GPC6: variants seen among roughly 807,000 people sequenced by gnomAD.
GPC6 encodes glypican 6.
GPC6 carries 14 observed loss-of-function variants against 55.2 expected under a neutral mutation model. The observed-to-expected ratio is 0.25, with a 90% CI of 0.17 to 0.40. The LOEUF (loss-of-function observed/expected upper bound fraction) is 0.40. Ranked by LOEUF, GPC6 falls within the 10% of genes least tolerant of loss-of-function variation. The probability of loss-of-function intolerance (pLI) is 1.00; values close to 1 mark genes in which losing one functional copy is unlikely to be tolerated. For missense variants in GPC6, 641 were observed against 708.5 expected (o/e 0.90, Z 1.08); for synonymous variants, 278 against 259.6 (o/e 1.07, Z -0.68).
At chr13:93,761,218 A>G (rs1884944450) in intron 2 of GPC6, among the ~76,000 whole-genome samples, 1 of 152,244 alleles carries the variant, frequency 6.6e-6, no homozygotes, top group Non-Finnish European at 1.5e-5. Flanking sequence ...TAGGCACTGC[A>G]TTATAAACTC....
intron 1 of GPC6, among the ~76,000 whole-genome samples, chr13:93,504,303 G>T (rs1880626001): frequency 6.6e-6 from 1 of 151,990 alleles, no homozygotes; most frequent in Non-Finnish European, 1.5e-5. Flanking sequence ...AATATAGGAT[G>T]CCTGATTAAA....
intron 6 of GPC6, among the ~76,000 whole-genome samples, chr13:94,363,202 C>T (rs936823552): frequency 1.3e-5 from 2 of 152,086 alleles, no homozygotes; most frequent in African/African-American, 2.4e-5. Context: ...ATTCATCAAA[C>T]TGATGATATA....
intron 1 of GPC6, among the ~76,000 whole-genome samples, chr13:93,379,539 A>G (rs1370852140): frequency 2.6e-5 from 4 of 152,194 alleles, no homozygotes; most frequent in African/African-American, 9.6e-5. Context: ...ATCAAAATAC[A>G]TGGGATGAAT....
chr13:94,035,020 G>A (rs1046016576), intron 4 of GPC6, among the ~76,000 whole-genome samples: 22 of 151,706 alleles, frequency 1.5e-4, no homozygotes, highest in Non-Finnish European at 3.1e-4. Flanking sequence ...GAAGAATTTA[G>A]TTGACCAAGA....
At chr13:94,335,252 T>C (rs117420079) in intron 6 of GPC6, among the ~76,000 whole-genome samples, 2,420 of 152,264 alleles carry the variant, frequency 0.016, 27 homozygotes, top group Non-Finnish European at 0.025. Context: ...TACTACCATA[T>C]GAAAGCAGGA....
chr13:94,077,148 T>C (rs775401703), intron 4 of GPC6, among the ~76,000 whole-genome samples: 1 of 151,872 alleles, frequency 6.6e-6, no homozygotes, highest in Non-Finnish European at 1.5e-5. Context: ...TTTGGGTCTT[T>C]AATTTCTTTC....
chr13:94,200,373 G>A lies in GPC6; in HGVS notation c.878-85976G>A, dbSNP rs183905154. ...GTGGGTCCTGTATAGAGCACATGAGGATATGTAACAAAGAATTATTTTCAA... is the reference window on the plus strand; with the variant it reads ...GTGGGTCCTGTATAGAGCACATGAGAATATGTAACAAAGAATTATTTTCAA... On this transcript the variant is annotated intron_variant, in intron 4 of 8. Coordinates refer to ENST00000377047, the MANE Select transcript of GPC6 (RefSeq NM_005708.5). Among the ~76,000 whole-genome samples the A allele has an allele frequency of 2.0e-5, 3 of 152,288 alleles. No homozygotes were observed. In the East Asian group the frequency reaches 5.8e-4, roughly 29 times the overall value.
At chr13:94,063,957 A>AG (rs914573394) in intron 4 of GPC6, among the ~76,000 whole-genome samples, 1 of 152,206 alleles carries the variant, frequency 6.6e-6, no homozygotes, top group African/African-American at 2.4e-5. Flanking sequence ...ACCATGCACC[A>AG]GGAAGAGCTG....
intron 1 of GPC6, among the ~76,000 whole-genome samples, chr13:93,351,551 C>A (rs1028558198): frequency 6.6e-6 from 1 of 151,936 alleles, no homozygotes; most frequent in Non-Finnish European, 1.5e-5. Context: ...TTAATAAAAG[C>A]ACATTACATA....
chr13:93,445,956 T>G (rs1250089787), intron 1 of GPC6, among the ~76,000 whole-genome samples: 1 of 152,108 alleles, frequency 6.6e-6, no homozygotes, highest in Non-Finnish European at 1.5e-5. Context: ...CATAGGCAAA[T>G]ATGGCAGAGA....
chr13:93,462,074 C>G (rs901584440), intron 1 of GPC6, among the ~76,000 whole-genome samples: 1 of 152,162 alleles, frequency 6.6e-6, no homozygotes, highest in African/African-American at 2.4e-5. Flanking sequence ...AATGCCTCAA[C>G]AGCTGTCAAT....
At chr13:94,363,603 G>C (rs1189094438) in intron 6 of GPC6, among the ~76,000 whole-genome samples, 1 of 152,116 alleles carries the variant, frequency 6.6e-6, no homozygotes, top group Non-Finnish European at 1.5e-5. Flanking sequence ...CCTAGCCTAG[G>C]AACCATGCTC....
At chr13:93,663,507 T>G (rs1239490059) in intron 2 of GPC6, among the ~76,000 whole-genome samples, 1 of 152,230 alleles carries the variant, frequency 6.6e-6, no homozygotes, top group Non-Finnish European at 1.5e-5. Context: ...TCTGTCTGAG[T>G]AGATATATCT....
intron 2 of GPC6, among the ~76,000 whole-genome samples, chr13:93,602,237 G>A (rs1016689411): frequency 6.6e-6 from 1 of 152,054 alleles, no homozygotes; most frequent in Admixed American, 6.6e-5. Flanking sequence ...GATTTTTATT[G>A]CCAGAAAAAG....
intron 4 of GPC6, among the ~76,000 whole-genome samples, chr13:94,184,848 C>T (rs1264196780): frequency 1.3e-5 from 2 of 152,124 alleles, no homozygotes; most frequent in African/African-American, 4.8e-5. Flanking sequence ...ACTCATATGT[C>T]CATTGCTGCA....
chr13:94,280,033 G>T lies in GPC6; in HGVS notation c.878-6316G>T, dbSNP rs141050440. On this transcript the variant is annotated intron_variant, in intron 4 of 8. Coordinates refer to ENST00000377047, the MANE Select transcript of GPC6 (RefSeq NM_005708.5). ...CTATCTCATTGATCTGTCTAATATT[G>T]ACTGGGGTGTTAAAGTCTCCCACTA... Among the ~76,000 whole-genome samples, 683 of 152,186 alleles carry T rather than the reference G, an allele frequency of 4.5e-3. 2 individuals carry two copies. The highest frequency in any genetic ancestry group is 0.02 in the Middle Eastern group (6 of 294).
chr13:93,268,282 G>C (rs555971037), intron 1 of GPC6, among the ~76,000 whole-genome samples: 1 of 152,152 alleles, frequency 6.6e-6, no homozygotes, highest in African/African-American at 2.4e-5. Flanking sequence ...GGTCAAGACT[G>C]GTCCCGCCTG....
At chr13:93,289,364 A>G (rs896609258) in intron 1 of GPC6, among the ~76,000 whole-genome samples, 9 of 152,140 alleles carry the variant, frequency 5.9e-5, no homozygotes. Context: ...TCAAAACGTG[A>G]GAATAGAGAT....
At chr13:93,671,698 G>A (rs1478115186) in intron 2 of GPC6, among the ~76,000 whole-genome samples, 2 of 151,926 alleles carry the variant, frequency 1.3e-5, no homozygotes, top group East Asian at 1.9e-4. Context: ...CACCACAGCG[G>A]GTACCAAATG....
Sources: allele counts gnomAD v4.1 joint callset (sites outside exome capture counted in the v4.1 genomes callset), GRCh38; gene constraint gnomAD v4.1.1; transcripts MANE v1.5; gene names NCBI Gene and HGNC (gene_info 2026-07-23, HGNC 2026-07-21).